The following MAP3K14 variants were observed in gnomAD, a reference collection of about 807,000 sequenced individuals.
MAP3K14 encodes mitogen-activated protein kinase kinase kinase 14, also known as NF-kappa-beta-inducing kinase.
MAP3K14 carries 16 observed loss-of-function variants against 99.2 expected under a neutral mutation model. That is an observed-to-expected ratio of 0.16 (90% CI 0.11 to 0.24). MAP3K14 has a LOEUF of 0.24. Ranked by LOEUF, MAP3K14 falls within the 10% of genes least tolerant of loss-of-function variation. The pLI is 1.00. For missense variants in MAP3K14, 784 were observed against 1,208.7 expected, an observed-to-expected ratio of 0.65 and a Z score of 5.21; for synonymous variants, 462 against 492.4, an observed-to-expected ratio of 0.94 and a Z score of 0.82.
intron 1 of MAP3K14, among the ~76,000 whole-genome samples, chr17:45,307,369 G>T (rs1036259026): frequency 1.3e-5 from 2 of 152,026 alleles, no homozygotes; most frequent in Non-Finnish European, 2.9e-5. Flanking sequence ...TTAAGTGGGG[G>T]CTGCCCTGTA....
At position 45,297,814 on chromosome 17, in the gene MAP3K14, G is replaced by A. The variant is rs191338971; in HGVS notation, c.-20-7049C>T. 3.2e-3 allele frequency among the ~76,000 whole-genome samples: 476 copies of A among 150,384 alleles called. 4 individuals are homozygous for A. Among genetic ancestry groups the A allele is most frequent in the African/African-American group, 0.011 (450 of 40,896 alleles). Reference sequence around the variant, plus strand: ...GGCTCACTGCAACCTCAGCATTCTGGTTCAAGTGATTCTCCTGCCTCAGCC... The same window carrying A: ...GGCTCACTGCAACCTCAGCATTCTGATTCAAGTGATTCTCCTGCCTCAGCC... On this transcript the variant is annotated intron_variant, in intron 1 of 15. Coordinates refer to ENST00000344686, the MANE Select transcript of MAP3K14 (RefSeq NM_003954.5).
At chr17:45,304,445 A>G (rs1416705505) in intron 1 of MAP3K14, among the ~76,000 whole-genome samples, 2 of 152,194 alleles carry the variant, frequency 1.3e-5, no homozygotes, top group African/African-American at 4.8e-5. Flanking sequence ...TTATGTGTAC[A>G]TGTAGAAGGA....
chr17:45,265,532 G>A (rs1431329151), intron 14 of MAP3K14, among the ~76,000 whole-genome samples: 1 of 152,190 alleles, frequency 6.6e-6, no homozygotes, highest in Non-Finnish European at 1.5e-5. Flanking sequence ...TTACCTCCCG[G>A]GTTCAAGTGA....
chr17:45,279,844 T>C (rs1212281182), intron 6 of MAP3K14, among the ~76,000 whole-genome samples: 1 of 152,254 alleles, frequency 6.6e-6, no homozygotes, highest in Non-Finnish European at 1.5e-5. Flanking sequence ...CACAGTACTG[T>C]GCACAGATGT....
At chr17:45,284,344 G>T (rs528043257) in intron 6 of MAP3K14, among the ~76,000 whole-genome samples, 18 of 152,320 alleles carry the variant, frequency 1.2e-4, no homozygotes, top group Admixed American at 9.8e-4. Context: ...CCAACAGGGG[G>T]CACAGCTCCG....
chr17:45,308,545 C>G (rs1406187021), intron 1 of MAP3K14, among the ~76,000 whole-genome samples: 1 of 152,120 alleles, frequency 6.6e-6, no homozygotes, highest in Non-Finnish European at 1.5e-5. Context: ...GTTCTGTCAC[C>G]CAGGCTGGAA....
At chr17:45,314,193 T>C (rs2044509001) in intron 1 of MAP3K14, among the ~76,000 whole-genome samples, 1 of 152,258 alleles carries the variant, frequency 6.6e-6, no homozygotes, top group Non-Finnish European at 1.5e-5. Context: ...TTCAATGTCC[T>C]GCTCAGCTCA....
intron 1 of MAP3K14, among the ~76,000 whole-genome samples, chr17:45,291,897 C>A (rs1170925998): frequency 6.6e-6 from 1 of 152,270 alleles, no homozygotes; most frequent in East Asian, 1.9e-4. Flanking sequence ...TGGATCACTT[C>A]TCTGCTTCTG....
At chr17:45,280,454 C>T (rs577227370) in intron 6 of MAP3K14, among the ~76,000 whole-genome samples, 3 of 152,042 alleles carry the variant, frequency 2.0e-5, no homozygotes, top group Admixed American at 2.0e-4. Context: ...CAGGCATGCG[C>T]CACCACGCCT....
chr17:45,270,717 T>G, intron 10 of MAP3K14, 154 bp from the exon 11 acceptor site: 1 of 1,127,606 alleles, frequency 8.9e-7, no homozygotes, highest in Non-Finnish European at 1.2e-6. Context: ...GTGAGGGCAC[T>G]TTTCCCAGGA....
In MAP3K14 at chr17:45,267,084, C is replaced by G; in HGVS notation, c.2433+8G>C. On this transcript the variant is annotated splice_region_variant and intron_variant, in intron 13 of 15. Transcript: ENST00000344686. This position sits in a 1 kb window ranked among gnomAD's most constrained non-coding sequence, Gnocchi z 5.1. ...GGAGCCATGGCTCCGGGGCCACAAC[C>G]GACTCACCTTCTCACTGTCATCCGA... 3.2e-6 allele frequency: 5 copies of G among 1,567,604 alleles called. No homozygotes were observed. Among genetic ancestry groups the G allele is most frequent in the Non-Finnish European group, 4.3e-6 (5 of 1,155,486 alleles).
At chr17:45,309,108 T>G (rs2044452014) in intron 1 of MAP3K14, among the ~76,000 whole-genome samples, 1 of 152,216 alleles carries the variant, frequency 6.6e-6, no homozygotes, top group South Asian at 2.1e-4. Flanking sequence ...TGAGCCACTG[T>G]GCCCAAGCAA....
chr17:45,278,410 G>A (rs2044195938), intron 6 of MAP3K14, among the ~76,000 whole-genome samples: 1 of 152,204 alleles, frequency 6.6e-6, no homozygotes, highest in Admixed American at 6.5e-5. Flanking sequence ...CTGCGATGAG[G>A]ATATTCATGA....
chr17:45,282,763 C>G (rs1478305217), intron 6 of MAP3K14, among the ~76,000 whole-genome samples: 1 of 152,136 alleles, frequency 6.6e-6, no homozygotes, highest in Non-Finnish European at 1.5e-5. Context: ...CGATGTGCAG[C>G]CTGACCTCTG....
intron 6 of MAP3K14, among the ~76,000 whole-genome samples, chr17:45,278,528 T>C (rs1437767536): frequency 6.6e-6 from 1 of 152,154 alleles, no homozygotes; most frequent in East Asian, 1.9e-4. Context: ...GGGATCATTA[T>C]CCCCATTTTA....
At chr17:45,305,099 T>A (rs79115741) in intron 1 of MAP3K14, among the ~76,000 whole-genome samples, 77 of 152,226 alleles carry the variant, frequency 5.1e-4, no homozygotes, top group African/African-American at 1.7e-3. Context: ...TATGTTTTTT[T>A]ATTTTTTTTA....
chr17:45,285,572 G>A (rs1567994170), intron 5 of MAP3K14, among the ~76,000 whole-genome samples: 2 of 152,122 alleles, frequency 1.3e-5, no homozygotes, highest in Non-Finnish European at 2.9e-5. Flanking sequence ...GTTGCAGTGA[G>A]CTGTTATAGT....
At chr17:45,313,407 T>G (rs1046762586) in intron 1 of MAP3K14, among the ~76,000 whole-genome samples, 1 of 152,196 alleles carries the variant, frequency 6.6e-6, no homozygotes, top group Non-Finnish European at 1.5e-5. Context: ...ATATCTCCTC[T>G]CATTTTCTAC....
chr17:45,308,044 A>G (rs1388990953), intron 1 of MAP3K14, among the ~76,000 whole-genome samples: 1 of 152,188 alleles, frequency 6.6e-6, no homozygotes, highest in Non-Finnish European at 1.5e-5. Flanking sequence ...TGGGAAGGTA[A>G]AAAAGGGCTT....
Sources: allele counts gnomAD v4.1 joint callset (sites outside exome capture counted in the v4.1 genomes callset), GRCh38; gene constraint gnomAD v4.1.1; non-coding constraint Gnocchi (gnomAD v3.1); transcripts MANE v1.5; gene names NCBI Gene and HGNC (gene_info 2026-07-23, HGNC 2026-07-21).